Variants in CCDC150 observed in about 807,000 individuals in gnomAD.
CCDC150 encodes the protein coiled-coil domain-containing protein 150.
In CCDC150, 151 loss-of-function variants were observed where a neutral mutation model predicts 156.5. The observed-to-expected ratio is 0.97, with a 90% confidence interval of 0.85 to 1.10. The LOEUF is 1.10. Ranked by LOEUF, CCDC150 falls within the 50% of genes least tolerant of loss-of-function variation. The probability of loss-of-function intolerance (pLI) is 0.00; values close to 1 mark genes in which losing one functional copy is unlikely to be tolerated. For missense variants in CCDC150, 1,312 were observed against 1,268.1 expected, an observed-to-expected ratio of 1.03 and a Z score of -0.53; for synonymous variants, 452 against 429.4, an observed-to-expected ratio of 1.05 and a Z score of -0.65.
At chr2:196,693,879 G>A (rs373883514) in intron 13 of CCDC150, among the ~76,000 whole-genome samples, 5 of 151,908 alleles carry the variant, frequency 3.3e-5, no homozygotes, top group African/African-American at 7.3e-5. Context: ...CTTTTACTGC[G>A]AGTATTAAGA....
chr2:196,670,103 T>C (rs556002880), intron 8 of CCDC150, among the ~76,000 whole-genome samples: 127 of 152,300 alleles, frequency 8.3e-4, no homozygotes, highest in African/African-American at 3.0e-3. Context: ...ATAAGACTTA[T>C]TTGTGTTTTT....
chr2:196,658,774 T>C lies in CCDC150; in HGVS notation c.577-18T>C. 6.4e-7 allele frequency: 1 copy of C among 1,566,844 alleles called. No homozygotes were observed. The highest frequency in any genetic ancestry group is 8.7e-7 in the Non-Finnish European group (1 of 1,145,628). Reference sequence around the variant, plus strand: ...GTCATTTCAGATTATTTAGAATCTTTTCTCCTTCTACTTTTAGAAGAATGC... The same window carrying C: ...GTCATTTCAGATTATTTAGAATCTTCTCTCCTTCTACTTTTAGAAGAATGC... On this transcript the variant is annotated intron_variant, in intron 4 of 27. Transcript: ENST00000389175.
intron 15 of CCDC150, among the ~76,000 whole-genome samples, chr2:196,708,543 G>T (rs1192405215): frequency 3.9e-5 from 6 of 152,112 alleles, no homozygotes; most frequent in African/African-American, 1.4e-4. Context: ...ATTTGATCCT[G>T]TCATCATGAT....
intron 13 of CCDC150, among the ~76,000 whole-genome samples, chr2:196,684,161 A>G (rs934718263): frequency 1.3e-5 from 2 of 152,200 alleles, no homozygotes; most frequent in East Asian, 3.9e-4. Context: ...GGGAGTGCCC[A>G]TAAAAAAATA....
intron 2 of CCDC150, among the ~76,000 whole-genome samples, chr2:196,648,772 T>C (rs1048859178): frequency 6.6e-6 from 1 of 152,200 alleles, no homozygotes; most frequent in African/African-American, 2.4e-5. Context: ...TTTCAGGTCT[T>C]ATGTTTTACA....
intron 13 of CCDC150, among the ~76,000 whole-genome samples, chr2:196,694,510 G>A (rs1416146292): frequency 6.6e-6 from 1 of 152,132 alleles, no homozygotes; most frequent in Non-Finnish European, 1.5e-5. Flanking sequence ...GAGAGAAAAA[G>A]GGTTCTTTTT....
intron 2 of CCDC150, among the ~76,000 whole-genome samples, 174 bp downstream of exon 2, chr2:196,646,678 G>A (rs1692561964): frequency 6.6e-6 from 1 of 152,148 alleles, no homozygotes; most frequent in Admixed American, 6.5e-5. Flanking sequence ...CTGTGATAGA[G>A]CTAGAGCTAC....
Position 196,674,349 on chromosome 2 carries a change from G to A in CCDC150, c.1137+1G>A, listed in dbSNP as rs564347732. 178 of 1,587,720 alleles carry A rather than the reference G, an allele frequency of 1.1e-4. No homozygotes were observed. The highest frequency in any genetic ancestry group is 1.5e-4 in the Non-Finnish European group (173 of 1,164,988). ...TGCTGACCATCAGGCCATTCTGCAG[G>A]TATTCGTTTAACATGAAAGCCAACC... On this transcript the variant is annotated splice_donor_variant, in intron 10 of 27. Coordinates refer to ENST00000389175, the MANE Select transcript of CCDC150 (RefSeq NM_001080539.2). LOFTEE classifies it high-confidence loss of function.
chr2:196,703,586 CTT>C (rs1696388548), intron 15 of CCDC150, among the ~76,000 whole-genome samples: 1 of 152,138 alleles, frequency 6.6e-6, no homozygotes, highest in Non-Finnish European at 1.5e-5. Flanking sequence ...CATAAAATAA[CTT>C]TCCCCTTTCT....
At chr2:196,697,894 C>T (rs1044515944) in intron 14 of CCDC150, among the ~76,000 whole-genome samples, 1 of 152,082 alleles carries the variant, frequency 6.6e-6, no homozygotes, top group Non-Finnish European at 1.5e-5. Context: ...TAAGATAATT[C>T]TTCCTATTTT....
In CCDC150 at chr2:196,718,645, C is replaced by G. The variant is rs1697688362; in HGVS notation, c.1995+14C>G. ...GAAAACAAGAAGGCAAGGAATCAGT[C>G]CCTTCTGACCGTCTGTCACTGAGAA... On this transcript the variant is annotated intron_variant, in intron 18 of 27. Coordinates refer to ENST00000389175, the MANE Select transcript of CCDC150 (RefSeq NM_001080539.2). 2 of 1,610,658 alleles carry G rather than the reference C, an allele frequency of 1.2e-6. No homozygotes were observed. The highest frequency in any genetic ancestry group is 1.3e-5 in the African/African-American group (1 of 74,940).
At chr2:196,700,114 C>T (rs1044817402) in intron 14 of CCDC150, among the ~76,000 whole-genome samples, 2 of 152,174 alleles carry the variant, frequency 1.3e-5, no homozygotes, top group African/African-American at 4.8e-5. Flanking sequence ...CTAAAAGGCA[C>T]TCTGTTCTGT....
chr2:196,727,006 G>A (rs940524865), intron 22 of CCDC150: 5 of 152,170 alleles, frequency 3.3e-5, no homozygotes, highest in South Asian at 2.1e-4. Context: ...ATGGAGGCTC[G>A]AGAAAACTAT....
At chr2:196,731,997 C>T in intron 26 of CCDC150, 36 bp from the exon 27 acceptor site, 1 of 1,592,624 alleles carries the variant, frequency 6.3e-7, no homozygotes, top group South Asian at 1.1e-5. Context: ...GTAACTCTTT[C>T]TTTGTGTCTT....
chr2:196,668,276 G>A (rs954590004), intron 7 of CCDC150, among the ~76,000 whole-genome samples: 7 of 140,496 alleles, frequency 5.0e-5, no homozygotes, highest in Middle Eastern at 3.8e-3. Context: ...CAGCCTGGGC[G>A]ACAGAGCAAA....
At chr2:196,645,795 T>C (rs1436934341) in intron 1 of CCDC150, among the ~76,000 whole-genome samples, 1 of 152,188 alleles carries the variant, frequency 6.6e-6, no homozygotes, top group Non-Finnish European at 1.5e-5. Context: ...GATACATAGT[T>C]GGTAAGTCAT....
chr2:196,647,532 A>T (rs1692620388), intron 2 of CCDC150, among the ~76,000 whole-genome samples: 1 of 152,114 alleles, frequency 6.6e-6, no homozygotes, highest in South Asian at 2.1e-4. Context: ...CATTGGCCTC[A>T]TCTTTACCTA....
Position 196,719,530 on chromosome 2 carries a change from A to G in CCDC150, c.2029A>G (p.Lys677Glu). The stretch of plus-strand genomic sequence containing the variant: ...CTTTCAGCGACAATTGGCAGAAGCT[A>G]AAGAAGACAACTGCAAAGTCACAAT... ...GNFQRQLAEA[K>E]EDNCKVTIML... The change falls in exon 19 of 28, where the codon AAA becomes GAA. Residue 677 changes from lysine to glutamate, a missense_variant. Transcript: ENST00000389175. 1.2e-6 allele frequency: 2 copies of G among 1,611,628 alleles called. No individual in the cohort carries two copies. Among genetic ancestry groups the G allele is most frequent in the Non-Finnish European group, 8.5e-7 (1 of 1,179,008 alleles).
At chr2:196,689,702 T>C (rs1201491766) in intron 13 of CCDC150, among the ~76,000 whole-genome samples, 1 of 151,734 alleles carries the variant, frequency 6.6e-6, no homozygotes, top group Non-Finnish European at 1.5e-5. Context: ...CAGGGACAAT[T>C]TGACTTCCTC....
Sources: allele counts gnomAD v4.1 joint callset (sites outside exome capture counted in the v4.1 genomes callset), GRCh38; gene constraint gnomAD v4.1.1; transcripts MANE v1.5; gene names NCBI Gene and HGNC (gene_info 2026-07-23, HGNC 2026-07-21).